Variants in CNTNAP2 observed in about 807,000 individuals in gnomAD.
CNTNAP2 encodes the protein contactin associated protein 2.
In CNTNAP2, 98 loss-of-function variants were observed where a neutral mutation model predicts 155.2. The ratio of observed to expected loss-of-function variants is 0.63; its 90% confidence interval spans 0.54 to 0.75. The LOEUF is 0.75. CNTNAP2 is among the 30% of genes least tolerant of loss of function. The probability of loss-of-function intolerance (pLI) is 0.00; values close to 1 mark genes in which losing one functional copy is unlikely to be tolerated. For missense variants in CNTNAP2, 1,727 were observed against 1,688.1 expected (o/e 1.02, Z -0.40); for synonymous variants, 651 against 631.2 (o/e 1.03, Z -0.47).
chr7:148,181,902 C>A (rs1255924037), intron 18 of CNTNAP2, among the ~76,000 whole-genome samples: 1 of 151,716 alleles, frequency 6.6e-6, no homozygotes, highest in East Asian at 1.9e-4. Context: ...GGACTACAGG[C>A]GCCTGCCACC....
At chr7:147,308,348 T>C (rs1795067772) in intron 9 of CNTNAP2, among the ~76,000 whole-genome samples, 2 of 152,296 alleles carry the variant, frequency 1.3e-5, no homozygotes, top group South Asian at 4.2e-4. Context: ...CTCAGGCTGC[T>C]GTTTTGGTAA....
chr7:147,256,952 G>GA (rs887963571), intron 8 of CNTNAP2, among the ~76,000 whole-genome samples: 8 of 151,490 alleles, frequency 5.3e-5, no homozygotes, highest in Non-Finnish European at 1.0e-4. Context: ...GGGAAAAAGA[G>GA]AAAAAAAATC....
chr7:146,964,815 G>A (rs1428037136), intron 3 of CNTNAP2, among the ~76,000 whole-genome samples: 2 of 152,110 alleles, frequency 1.3e-5, no homozygotes, highest in East Asian at 3.9e-4. Context: ...TGGCATGAAA[G>A]CAGCCATGGA....
At position 146,704,287 on chromosome 7, in the gene CNTNAP2, C is replaced by T. The variant is rs140727650; in HGVS notation, c.98-69984C>T. Among the ~76,000 whole-genome samples, 152 of 152,104 alleles carry T rather than the reference C, an allele frequency of 1.0e-3. 1 individual carries two copies. Among genetic ancestry groups the T allele is most frequent in the African/African-American group, 3.5e-3 (146 of 41,504 alleles). Reference sequence around the variant, plus strand: ...TATAAGCTCAGCCTCATTGCCCAGTCCCAGCAATTTTACTAAATTATAGTC... The same window carrying T: ...TATAAGCTCAGCCTCATTGCCCAGTTCCAGCAATTTTACTAAATTATAGTC... On this transcript the variant is annotated intron_variant, in intron 1 of 23. Coordinates refer to ENST00000361727, the MANE Select transcript of CNTNAP2 (RefSeq NM_014141.6).
intron 9 of CNTNAP2, among the ~76,000 whole-genome samples, chr7:147,361,938 G>T (rs1796153689): frequency 6.6e-6 from 1 of 152,164 alleles, no homozygotes; most frequent in South Asian, 2.1e-4. Flanking sequence ...AAGAGCTGGA[G>T]CTGGAATCAC....
intron 1 of CNTNAP2, among the ~76,000 whole-genome samples, chr7:146,242,797 A>G (rs1285433374): frequency 6.6e-6 from 1 of 152,188 alleles, no homozygotes; most frequent in African/African-American, 2.4e-5. Flanking sequence ...AACACTACAT[A>G]TCACCCTGCT....
chr7:147,881,624 TTGCTAGA>T (rs1799521584), intron 13 of CNTNAP2, among the ~76,000 whole-genome samples: 1 of 152,090 alleles, frequency 6.6e-6, no homozygotes, highest in Admixed American at 6.6e-5. Flanking sequence ...GCACCTCTCT[TTGCTAGA>T]AGAATAGAAT....
intron 21 of CNTNAP2, among the ~76,000 whole-genome samples, chr7:148,336,908 T>G (rs1258834241): frequency 6.6e-6 from 1 of 152,218 alleles, no homozygotes; most frequent in Non-Finnish European, 1.5e-5. Flanking sequence ...ATTTGCTAAC[T>G]GTGAAACGAT....
chr7:146,837,403 T>G (rs1803639045), intron 2 of CNTNAP2, among the ~76,000 whole-genome samples: 1 of 152,142 alleles, frequency 6.6e-6, no homozygotes, highest in Admixed American at 6.5e-5. Context: ...AATTTCCATT[T>G]TGTTCTCGTT....
At position 146,301,444 on chromosome 7, in the gene CNTNAP2, G is replaced by A. The variant is rs550934808; in HGVS notation, c.97+184471G>A. On this transcript the variant is annotated intron_variant, in intron 1 of 23. Transcript: ENST00000361727. ...TCGAGACCATCATGGCTAACATGGT[G>A]AAACCCCATCTCTACTAAAAATACA... 9.2e-5 allele frequency among the ~76,000 whole-genome samples: 14 copies of A among 151,880 alleles called. No homozygotes were observed. The South Asian group carries it at 1.2e-3, about 14-fold the overall frequency.
intron 3 of CNTNAP2, among the ~76,000 whole-genome samples, chr7:146,900,346 G>A (rs778463611): frequency 5.3e-5 from 8 of 151,994 alleles, no homozygotes; most frequent in African/African-American, 1.2e-4. Context: ...CAAATTACTC[G>A]AATAATTTTC....
chr7:147,641,638 T>C (rs914269274), intron 13 of CNTNAP2, among the ~76,000 whole-genome samples: 2 of 151,984 alleles, frequency 1.3e-5, no homozygotes, highest in Admixed American at 1.3e-4. Flanking sequence ...AGTAAGTAAT[T>C]AAGATTAAAT....
intron 14 of CNTNAP2, among the ~76,000 whole-genome samples, chr7:147,923,587 C>G (rs929329502): frequency 5.3e-5 from 8 of 151,914 alleles, no homozygotes; most frequent in African/African-American, 1.9e-4. Flanking sequence ...AATCACAGCT[C>G]ACTGCAGCCT....
chr7:148,131,026 T>C (rs1415840452), intron 16 of CNTNAP2, among the ~76,000 whole-genome samples: 6 of 151,888 alleles, frequency 4.0e-5, no homozygotes, highest in Admixed American at 1.3e-4. Context: ...AATTTTTTGA[T>C]GTAATTTTTC....
At chr7:146,152,039 G>A (rs1194302601) in intron 1 of CNTNAP2, among the ~76,000 whole-genome samples, 1 of 151,618 alleles carries the variant, frequency 6.6e-6, no homozygotes, top group East Asian at 1.9e-4. Context: ...AATAAAATCA[G>A]TATGTTGAAA....
Position 146,125,343 on chromosome 7 carries a change from G to A in CNTNAP2, c.97+8370G>A, listed in dbSNP as rs142640466. Reference sequence around the variant, plus strand: ...TGTAATCCCAGCACTTTGGGAGGCTGAGACAGGCGGATCACGAGGTCAGGA... The same window carrying A: ...TGTAATCCCAGCACTTTGGGAGGCTAAGACAGGCGGATCACGAGGTCAGGA... On this transcript the variant is annotated intron_variant, in intron 1 of 23. Transcript: ENST00000361727. Among the ~76,000 whole-genome samples, 941 of 152,178 alleles carry A rather than the reference G, an allele frequency of 6.2e-3. 10 individuals carry two copies. The highest frequency in any genetic ancestry group is 0.021 in the African/African-American group (859 of 41,524).
chr7:146,999,687 C>A (rs1225882539), intron 3 of CNTNAP2, among the ~76,000 whole-genome samples: 2 of 152,030 alleles, frequency 1.3e-5, no homozygotes, highest in African/African-American at 4.8e-5. Context: ...TCCCCCAGCA[C>A]TTTGAATATA....
chr7:147,533,599 TAA>T (rs72210500), intron 11 of CNTNAP2, among the ~76,000 whole-genome samples: 1,544 of 141,870 alleles, frequency 0.011, 24 homozygotes, highest in African/African-American at 0.038. Flanking sequence ...AAGCTTTATT[TAA>T]AAAAAAAAAA....
chr7:147,911,029 G>A (rs1386443078), intron 14 of CNTNAP2, among the ~76,000 whole-genome samples: 1 of 151,908 alleles, frequency 6.6e-6, no homozygotes, highest in Non-Finnish European at 1.5e-5. Flanking sequence ...CATTCATTTT[G>A]TTGTGCAATC....
Sources: allele counts gnomAD v4.1 joint callset (sites outside exome capture counted in the v4.1 genomes callset), GRCh38; gene constraint gnomAD v4.1.1; transcripts MANE v1.5; gene names NCBI Gene and HGNC (gene_info 2026-07-23, HGNC 2026-07-21).